The following ZNF217 variants were observed in gnomAD, a reference collection of about 807,000 sequenced individuals.
ZNF217 encodes the protein zinc finger protein 217.
Under a neutral mutation model 73.3 loss-of-function variants are expected in ZNF217, and 12 were observed. That is an observed-to-expected ratio of 0.16 (90% CI 0.10 to 0.27). The LOEUF is 0.27. ZNF217 is among the 10% of genes least tolerant of loss of function. The pLI is 1.00. For missense variants in ZNF217, 1,195 were observed against 1,327.8 expected (o/e 0.90, Z 1.55); for synonymous variants, 588 against 516.4 (o/e 1.14, Z -1.88).
chr20:53,568,787 C>T lies in ZNF217; in HGVS notation c.*501G>A, dbSNP rs150468949. 0.011 allele frequency: 1,714 copies of T among 152,134 alleles called. 32 individuals carry two copies. Among genetic ancestry groups the T allele is most frequent in the African/African-American group, 0.039 (1,603 of 41,248 alleles). 9.4% of individuals were successfully genotyped at this position (152,134 alleles called of 1,614,324 possible). On this transcript the variant is annotated 3_prime_UTR_variant, in exon 6 of 6. Transcript: ENST00000371471. ...AACATACATTTTAAATGAAAGAGCA[C>T]AATAGCAGAAACTGCTCCAAGTGAT...
Position 53,568,570 on chromosome 20 carries a change from G to A in ZNF217, c.*718C>T, listed in dbSNP as rs1054406641. Reference sequence around the variant, plus strand: ...AGGTTCCAGGACAATCTGGAGAGGCGAGGAAGAAGGTGCCTTCCCCATCTG... The same window carrying A: ...AGGTTCCAGGACAATCTGGAGAGGCAAGGAAGAAGGTGCCTTCCCCATCTG... On this transcript the variant is annotated 3_prime_UTR_variant, in exon 6 of 6. Transcript: ENST00000371471. 5 of 152,096 alleles carry A rather than the reference G, an allele frequency of 3.3e-5. No individual in the cohort carries two copies. Among genetic ancestry groups the A allele is most frequent in the Non-Finnish European group, 5.9e-5 (4 of 68,052 alleles). 9.4% of individuals were successfully genotyped at this position (152,096 alleles called of 1,614,324 possible).
Position 53,567,215 on chromosome 20 carries a change from AATAC to A in ZNF217, c.*2069_*2072del, listed in dbSNP as rs1450092820. The A allele has an allele frequency of 1.3e-5, 2 of 152,612 alleles. No homozygotes were observed. Among genetic ancestry groups the A allele is most frequent in the African/African-American group, 4.8e-5 (2 of 41,444 alleles). 9.5% of individuals were successfully genotyped at this position (152,612 alleles called of 1,614,324 possible). ...AAATAAATCAAACTGGAATGAAATA[AATAC>A]ATAAACAAAAATCCAACGAATTGTA... On this transcript the variant is annotated 3_prime_UTR_variant, in exon 6 of 6. Transcript: ENST00000371471.
upstream of ZNF217, among the ~76,000 whole-genome samples, chr20:53,595,972 A>T (rs1423832544): frequency 6.6e-6 from 1 of 152,244 alleles, no homozygotes; most frequent in Non-Finnish European, 1.5e-5. Flanking sequence ...TGCTGTAAAC[A>T]CAATAGCACT....
In ZNF217 at chr20:53,576,625, T is replaced by C. The variant is rs755144238; in HGVS notation, c.2139A>G (p.Pro713=). 34 of 1,614,114 alleles carry C rather than the reference T, an allele frequency of 2.1e-5. No homozygotes were observed. The Admixed American group carries it at 5.7e-4, about 27-fold the overall frequency. The change falls in exon 4 of 6, where the codon CCA becomes CCG. Residue 713 remains proline (P), a synonymous_variant. Coordinates refer to ENST00000371471, the MANE Select transcript of ZNF217 (RefSeq NM_006526.3). The part of the protein sequence containing the change: ...SKSLIPSITC[P]FCTFKTFYPE... ...GATAAAATGTCTTGAAGGTACAAAATGGACAGGTGATACTTGGAATCAAAC... is the reference window on the plus strand; with the variant it reads ...GATAAAATGTCTTGAAGGTACAAAACGGACAGGTGATACTTGGAATCAAAC...
intron 1 of ZNF217, among the ~76,000 whole-genome samples, chr20:53,590,071 T>C (rs1398720015): frequency 1.3e-5 from 2 of 152,154 alleles, no homozygotes; most frequent in African/African-American, 4.8e-5. Context: ...ACCTTTCAGG[T>C]TTTTATTTTT....
upstream of ZNF217, among the ~76,000 whole-genome samples, chr20:53,595,135 C>T (rs1257052776): frequency 6.7e-6 from 1 of 149,862 alleles, no homozygotes; most frequent in East Asian, 2.0e-4. Context: ...TCTTTCCTTA[C>T]TGAAAAAAAG....
chr20:53,596,241 A>T (rs1034245887), upstream of ZNF217, among the ~76,000 whole-genome samples: 17 of 57,102 alleles, frequency 3.0e-4, no homozygotes, highest in Non-Finnish European at 5.5e-4. Flanking sequence ...CGCCTCTCTC[A>T]AAAAAAAAAA....
At chr20:53,585,304 ACTCCCAATGCTTT>A (rs1988657264) in intron 1 of ZNF217, among the ~76,000 whole-genome samples, 2 of 152,102 alleles carry the variant, frequency 1.3e-5, no homozygotes, top group African/African-American at 4.8e-5. Flanking sequence ...TCACACCTAT[ACTCCCAATGCTTT>A]GGGAAGCCGA....
rs1178068452 is a variant in ZNF217 at position 53,576,106 on chromosome 20, G to C, written c.2658C>G (p.Ala886=). The C allele has an allele frequency of 1.5e-5, 25 of 1,614,088 alleles. No individual in the cohort carries two copies. The highest frequency in any genetic ancestry group is 2.1e-5 in the Non-Finnish European group (25 of 1,180,036). The change falls in exon 4 of 6, where the codon GCC becomes GCG. Residue 886 remains alanine, a synonymous_variant. Transcript: ENST00000371471. ...SNINGSIDYP[A]KNDSPWAPPG... ...GAGGTGCCCACGGGCTGTCGTTCTT[G>C]GCGGGGTAGTCGATGGAACCATTGA...
chr20:53,570,762 A>G (rs528982043), intron 5 of ZNF217, among the ~76,000 whole-genome samples: 2 of 145,420 alleles, frequency 1.4e-5, no homozygotes, highest in East Asian at 1.9e-4. Context: ...ATCTTGGCAG[A>G]TAAGTACTTG....
intron 1 of ZNF217, among the ~76,000 whole-genome samples, chr20:53,587,957 C>T (rs1015711363): frequency 1.3e-5 from 2 of 151,892 alleles, no homozygotes; most frequent in African/African-American, 4.8e-5. Context: ...ACCCATGAGG[C>T]TAAATGGTCA....
intron 4 of ZNF217, 93 bp downstream of exon 4, chr20:53,575,634 C>T: frequency 7.8e-7 from 1 of 1,281,980 alleles, no homozygotes. Context: ...TACCCCCCAC[C>T]CTTGGGAGTG....
At chr20:53,570,684 T>G (rs1184735546) in intron 5 of ZNF217, among the ~76,000 whole-genome samples, 6 of 152,208 alleles carry the variant, frequency 3.9e-5, no homozygotes, top group African/African-American at 1.4e-4. Context: ...GTGAGACCTT[T>G]AACATGTGAA....
In ZNF217 at chr20:53,576,488, G is replaced by A. The variant is rs1258158186; in HGVS notation, c.2276C>T (p.Ala759Val). The part of the protein sequence containing the change: ...LRSRRTGCPP[A>V]LLGKDVPPLS... ...GGGAGGCACATCTTTTCCCAGCAAC[G>A]CTGGCGGGCATCCGGTACGTCGACT... The change falls in exon 4 of 6, where the codon GCG (alanine) becomes GTG (valine). Residue 759 changes from alanine (A) to valine (V), a missense_variant. Coordinates refer to ENST00000371471, the MANE Select transcript of ZNF217 (RefSeq NM_006526.3). 3 of 1,614,108 alleles carry A rather than the reference G, an allele frequency of 1.9e-6. No individual in the cohort carries two copies. Among genetic ancestry groups the A allele is most frequent in the Non-Finnish European group, 1.7e-6 (2 of 1,180,052 alleles).
intron 2 of ZNF217, among the ~76,000 whole-genome samples, chr20:53,579,416 A>C (rs1406736865): frequency 6.6e-6 from 1 of 152,264 alleles, no homozygotes; most frequent in Non-Finnish European, 1.5e-5. Flanking sequence ...AGTCTTAAAA[A>C]AGCCAGGATG....
chr20:53,571,957 T>A, intron 4 of ZNF217, 104 bp from the exon 5 acceptor site: 1 of 1,162,944 alleles, frequency 8.6e-7, no homozygotes, highest in Non-Finnish European at 1.2e-6. Flanking sequence ...ACTGATAATG[T>A]AATCAACGCC....
At chr20:53,571,900 G>T (rs773731979) in intron 4 of ZNF217, 47 bp from the exon 5 acceptor site, 8 of 1,564,022 alleles carry the variant, frequency 5.1e-6, no homozygotes, top group Non-Finnish European at 6.9e-6. Flanking sequence ...AAACAATTAG[G>T]TAAGATGTGT....
At position 53,576,083 on chromosome 20, in the gene ZNF217, G is replaced by C. The variant is rs1988251107; in HGVS notation, c.2681C>G (p.Pro894Arg). Residue 894 changes from proline to arginine, a missense_variant, in exon 4 of 6, where the codon CCT becomes CGT. By Grantham distance (103) the Pro-to-Arg change is moderately radical. This residue lies in a region of ZNF217 where 649 missense variants were observed against 642.8 expected (regional missense o/e 1.01). Transcript: ENST00000371471. ...YPAKNDSPWA[P>R]PGRDYFCNRS... The stretch of plus-strand genomic sequence containing the variant: ...ATTACAGAAATAGTCTCTTCCCGGA[G>C]GTGCCCACGGGCTGTCGTTCTTGGC... The C allele has an allele frequency of 6.2e-7, 1 of 1,614,096 alleles. No homozygotes were observed. Among genetic ancestry groups the C allele is most frequent in the African/African-American group, 1.3e-5 (1 of 74,938 alleles).
rs1600710855 is a variant in ZNF217, at chr20:53,571,711, A to G, written c.*23+10T>C. 1.9e-6 allele frequency: 3 copies of G among 1,607,862 alleles called. No individual in the cohort carries two copies. Among genetic ancestry groups the G allele is most frequent in the East Asian group, 2.2e-5 (1 of 44,760 alleles). On this transcript the variant is annotated intron_variant, in intron 5 of 5. Transcript: ENST00000371471. ...CCAATCCAGTGTTTTTAATTGAAAC[A>G]TATGCTCACCTTTTTTCCCCCTAAT... is the stretch of plus-strand genomic sequence containing the variant.
Sources: allele counts gnomAD v4.1 joint callset (sites outside exome capture counted in the v4.1 genomes callset), GRCh38; gene constraint gnomAD v4.1.1; regional missense constraint gnomAD v4.1.1; transcripts MANE v1.5; gene names NCBI Gene and HGNC (gene_info 2026-07-23, HGNC 2026-07-21).